Variants in WDR4 observed in about 807,000 individuals in gnomAD.
WDR4 encodes WDR4 tRNA N7-guanosine methyltransferase non-catalytic subunit.
In WDR4, 47 loss-of-function variants were observed where a neutral mutation model predicts 48.6. The ratio of observed to expected loss-of-function variants is 0.97; its 90% CI spans 0.77 to 1.23. WDR4 has a LOEUF of 1.23. WDR4 is among the 50% of genes most tolerant of loss of function. The pLI is 0.00. For missense variants in WDR4, 606 were observed against 551.6 expected (o/e 1.10, Z -0.99); for synonymous variants, 268 against 230.0 (o/e 1.17, Z -1.49).
At chr21:42,887,314 TA>T in the WDR4 span, among the ~76,000 whole-genome samples, 28 of 147,202 alleles carry the variant, frequency 1.9e-4, no homozygotes, top group African/African-American at 5.6e-4. Context: ...TTTTTTTTTT[TA>T]TTTTATAAAG....
chr21:42,847,438 G>C (rs1238623209), downstream of WDR4, among the ~76,000 whole-genome samples: 13 of 152,232 alleles, frequency 8.5e-5, no homozygotes, highest in Non-Finnish European at 1.5e-5. Flanking sequence ...CTGAGACACA[G>C]AAACGGCTCT....
intron 1 of WDR4, among the ~76,000 whole-genome samples, chr21:42,878,269 C>T (rs1188177744): frequency 6.6e-6 from 1 of 152,142 alleles, no homozygotes; most frequent in African/African-American, 2.4e-5. Flanking sequence ...GTATCTTGTA[C>T]ATATTTATAG....
At chr21:42,877,113 A>G (rs6586258) in intron 1 of WDR4, among the ~76,000 whole-genome samples, 79,953 of 139,780 alleles carry the variant, frequency 0.57, 24,292 homozygotes, top group African/African-American at 0.85. Flanking sequence ...CGCCTGGCCC[A>G]TGTGAGCCAC....
intron 11 of WDR4, among the ~76,000 whole-genome samples, chr21:42,843,632 G>A (rs571698655): frequency 2.0e-5 from 3 of 151,754 alleles, no homozygotes; most frequent in East Asian, 1.9e-4. Context: ...GGAGTACAGT[G>A]GCGCGATCTC....
chr21:42,859,163 C>G (rs2058058676), intron 6 of WDR4, among the ~76,000 whole-genome samples: 1 of 151,904 alleles, frequency 6.6e-6, no homozygotes, highest in Non-Finnish European at 1.5e-5. Flanking sequence ...CCTGTGGTCC[C>G]AGCTACTTGG....
chr21:42,886,392 CA>C, the WDR4 span, among the ~76,000 whole-genome samples: 97,879 of 152,096 alleles, frequency 0.64, 33,234 homozygotes, highest in African/African-American at 0.86. Flanking sequence ...TTATTTTTAG[CA>C]AAAAAATAGG....
chr21:42,879,689 C>T (rs2058589646), upstream of WDR4: 1 of 606,316 alleles, frequency 1.6e-6, no homozygotes, highest in African/African-American at 1.9e-5. Flanking sequence ...TGGTGGCCTT[C>T]GGTGTTTCGG....
At chr21:42,890,067 G>C in the WDR4 span, among the ~76,000 whole-genome samples, 1 of 151,844 alleles carries the variant, frequency 6.6e-6, no homozygotes, top group South Asian at 2.1e-4. Flanking sequence ...GGGTGACAGA[G>C]TAAGAACCTA....
intron 5 of WDR4, among the ~76,000 whole-genome samples, chr21:42,860,872 A>C (rs1442633036): frequency 6.6e-6 from 1 of 152,124 alleles, no homozygotes; most frequent in East Asian, 1.9e-4. Flanking sequence ...AGAACCACTC[A>C]GACGCAGCGG....
rs1407353075 is a variant in WDR4, at chr21:42,863,980, G to T, written c.297-384C>A. Among the ~76,000 whole-genome samples the T allele has an allele frequency of 4.9e-4, 40 of 82,202 alleles. 7 individuals are homozygous for T. Among genetic ancestry groups the T allele is most frequent in the Admixed American group, 4.5e-4 (5 of 11,186 alleles). The allele number at this position is 82,202 out of a possible 152,430, so 53.9% of individuals were successfully genotyped here. A position where few individuals can be genotyped will look rare whatever the true frequency, so the allele number is the denominator to read the frequency against. On this transcript the variant is annotated intron_variant, in intron 3 of 10. Coordinates refer to ENST00000398208, the MANE Select transcript of WDR4 (RefSeq NM_018669.6). ...AAATTAGCCAGGCGTGGTGGCGGGC[G>T]CCTGTAGTCCCAGCTACTCGGGAGG... is the stretch of plus-strand genomic sequence containing the variant.
At chr21:42,859,547 G>A in intron 6 of WDR4, 115 bp downstream of exon 6, 8 of 1,282,702 alleles carry the variant, frequency 6.2e-6, no homozygotes, top group Non-Finnish European at 7.6e-6. Flanking sequence ...CTAGTGGACA[G>A]CCACAGCCAG....
rs1279314833 is a variant in WDR4, at chr21:42,850,056, C to T, written c.1232G>A (p.Ser411Asn). The T allele has an allele frequency of 6.2e-7, 1 of 1,613,724 alleles. No homozygotes were observed. Among genetic ancestry groups the T allele is most frequent in the African/African-American group, 1.3e-5 (1 of 74,908 alleles). ...KKMRPGEATL[S>N]C is the part of the protein sequence containing the mutation. Reference sequence around the variant, plus strand: ...CACCACTGACCGCCACGATCAGCAACTTAGCGTCGCCTCCCCCGGTCTCAT... The same window carrying T: ...CACCACTGACCGCCACGATCAGCAATTTAGCGTCGCCTCCCCCGGTCTCAT... The change falls in exon 11 of 11, where the codon AGT (serine) becomes AAT (asparagine). Residue 411 changes from serine to asparagine, a missense_variant. By Grantham distance (46) the Ser-to-Asn change is conservative. Coordinates refer to ENST00000398208, the MANE Select transcript of WDR4 (RefSeq NM_018669.6).
upstream of WDR4, among the ~76,000 whole-genome samples, chr21:42,883,223 C>T (rs2058619874): frequency 6.8e-6 from 1 of 147,702 alleles, no homozygotes; most frequent in African/African-American, 2.5e-5. Flanking sequence ...TGCAGTGAGC[C>T]GAGATTGCGC....
At chr21:42,866,610 T>A (rs1198867189) in intron 3 of WDR4, among the ~76,000 whole-genome samples, 1 of 152,070 alleles carries the variant, frequency 6.6e-6, no homozygotes, top group Non-Finnish European at 1.5e-5. Flanking sequence ...AGCCACAGGG[T>A]GCTGCCTGCC....
At chr21:42,859,824 G>T in intron 5 of WDR4, 102 bp from the exon 6 acceptor site, 3 of 1,184,476 alleles carry the variant, frequency 2.5e-6, no homozygotes, top group Non-Finnish European at 3.7e-6. Context: ...AGAAGCCTCT[G>T]CCCTAAACCC....
chr21:42,883,624 G>A (rs1246870114), upstream of WDR4: 1 of 153,696 alleles, frequency 6.5e-6, no homozygotes, highest in East Asian at 1.9e-4. Context: ...GAAGACAGAG[G>A]AGAATGCCAG....
chr21:42,886,910 C>A, the WDR4 span: 3 of 152,238 alleles, frequency 2.0e-5, no homozygotes, highest in Non-Finnish European at 4.4e-5. Flanking sequence ...GTTTCCTGAA[C>A]GGCTCCTGCT....
chr21:42,866,416 G>A (rs2058247873), intron 3 of WDR4, among the ~76,000 whole-genome samples: 1 of 152,176 alleles, frequency 6.6e-6, no homozygotes, highest in Admixed American at 6.5e-5. Context: ...ATCCTGCAGC[G>A]GTGCAGGGCC....
intron 5 of WDR4, among the ~76,000 whole-genome samples, chr21:42,861,920 A>C (rs919791070): frequency 2.0e-5 from 3 of 152,182 alleles, no homozygotes; most frequent in Admixed American, 6.5e-5. Context: ...TGGACAGCTG[A>C]AATCACTAAA....
Sources: allele counts gnomAD v4.1 joint callset (sites outside exome capture counted in the v4.1 genomes callset), GRCh38; gene constraint gnomAD v4.1.1; transcripts MANE v1.5; gene names NCBI Gene and HGNC (gene_info 2026-07-23, HGNC 2026-07-21).